RSPH14: variants seen among roughly 807,000 people sequenced by gnomAD.
The protein encoded by RSPH14 is radial spoke head 14 homolog, also known as rhabdoid tumor deletion region gene 1.
A neutral mutation model predicts 26.7 loss-of-function variants in RSPH14; 20 were observed. The observed-to-expected ratio is 0.75, with a 90% CI of 0.53 to 1.09. RSPH14 has a LOEUF of 1.09. RSPH14 is among the 50% of genes least tolerant of loss of function. RSPH14 has a pLI of 0.00. For missense variants in RSPH14, 449 were observed against 457.2 expected (o/e 0.98, Z 0.16); for synonymous variants, 177 against 189.3 (o/e 0.93, Z 0.53).
intron 4 of RSPH14, among the ~76,000 whole-genome samples, chr22:23,110,573 A>T (rs998893210): frequency 6.6e-6 from 1 of 152,174 alleles, no homozygotes; most frequent in African/African-American, 2.4e-5. Context: ...CTCTCCCACC[A>T]CCTGAGCAGA....
intron 4 of RSPH14, among the ~76,000 whole-genome samples, chr22:23,080,621 T>G (rs1237086296): frequency 6.6e-6 from 1 of 151,728 alleles, no homozygotes; most frequent in African/African-American, 2.4e-5. Flanking sequence ...GTGGGGAGAG[T>G]GTAGAGAAGC....
upstream of RSPH14, among the ~76,000 whole-genome samples, chr22:23,149,262 T>C (rs1009561952): frequency 3.3e-5 from 5 of 152,150 alleles, no homozygotes; most frequent in Admixed American, 6.5e-5. Flanking sequence ...ATGGTGTCCT[T>C]CTCCCCACAT....
At chr22:23,062,258 C>A (rs1379979339) in intron 5 of RSPH14, among the ~76,000 whole-genome samples, 1 of 152,222 alleles carries the variant, frequency 6.6e-6, no homozygotes, top group Non-Finnish European at 1.5e-5. Context: ...CCAGGGGTGT[C>A]AACCACAGGG....
At chr22:23,087,380 C>G (rs1038636611) in intron 4 of RSPH14, among the ~76,000 whole-genome samples, 6 of 152,146 alleles carry the variant, frequency 3.9e-5, no homozygotes, top group African/African-American at 1.4e-4. Flanking sequence ...GGGAGGATCG[C>G]TTGAGCCCGG....
chr22:23,158,519 C>T, the RSPH14 span, among the ~76,000 whole-genome samples: 1 of 152,244 alleles, frequency 6.6e-6, no homozygotes, highest in African/African-American at 2.4e-5. Flanking sequence ...GCTACTAGAG[C>T]AAAGCCCTCT....
chr22:23,114,100 C>T (rs1046201927), intron 4 of RSPH14, among the ~76,000 whole-genome samples: 6 of 152,172 alleles, frequency 3.9e-5, no homozygotes, highest in Non-Finnish European at 8.8e-5. Context: ...GCCCCTCAGT[C>T]AGGGTGCTGC....
the RSPH14 span, chr22:23,160,823 C>T: frequency 1.7e-5 from 27 of 1,581,358 alleles, no homozygotes; most frequent in Non-Finnish European, 2.3e-5. Flanking sequence ...CACCCAGATG[C>T]ATTAAGGGGC....
intron 4 of RSPH14, among the ~76,000 whole-genome samples, chr22:23,077,697 G>T (rs2068544459): frequency 6.6e-6 from 1 of 152,056 alleles, no homozygotes; most frequent in Non-Finnish European, 1.5e-5. Context: ...GTCTGACCTT[G>T]GCTATGGAGC....
intron 4 of RSPH14, among the ~76,000 whole-genome samples, chr22:23,129,612 C>T (rs1441631113): frequency 6.6e-6 from 1 of 151,774 alleles, no homozygotes; most frequent in Non-Finnish European, 1.5e-5. Flanking sequence ...ATGAAATTGA[C>T]TTCATTATTC....
the RSPH14 span, chr22:23,150,292 T>TA: frequency 1.0e-5 from 7 of 676,298 alleles, no homozygotes; most frequent in South Asian, 3.6e-5. Flanking sequence ...ACTGGGGTTT[T>TA]CTTTTTTTTT....
the RSPH14 span, among the ~76,000 whole-genome samples, chr22:23,159,748 C>T: frequency 1.3e-5 from 2 of 152,210 alleles, no homozygotes; most frequent in Non-Finnish European, 2.9e-5. Flanking sequence ...GTGACAGGGG[C>T]TCCCATCCCT....
intron 4 of RSPH14, 115 bp downstream of exon 4, chr22:23,133,911 T>A (rs915076126): frequency 2.1e-5 from 15 of 714,070 alleles, no homozygotes; most frequent in African/African-American, 3.6e-5. Flanking sequence ...CTAATATGTA[T>A]GTTGTAATTT....
intron 4 of RSPH14, among the ~76,000 whole-genome samples, chr22:23,064,557 C>G (rs1809691168): frequency 1.3e-5 from 2 of 152,244 alleles, no homozygotes. Flanking sequence ...GCCCCCGCTT[C>G]CCATCCACCA....
At chr22:23,158,154 C>T in the RSPH14 span, 1 of 1,536,540 alleles carries the variant, frequency 6.5e-7, no homozygotes, top group African/African-American at 1.4e-5. Context: ...TGTGAGTGAC[C>T]AGGGCCCCTT....
chr22:23,151,753 G>C, the RSPH14 span, among the ~76,000 whole-genome samples: 1 of 152,230 alleles, frequency 6.6e-6, no homozygotes. Flanking sequence ...AAACGCCTCT[G>C]CACAGAGTGT....
chr22:23,130,249 A>C (rs1744232853), intron 4 of RSPH14, among the ~76,000 whole-genome samples: 1 of 151,392 alleles, frequency 6.6e-6, no homozygotes, highest in African/African-American at 2.4e-5. Flanking sequence ...AGGTCAGGAG[A>C]TCGAGACCAT....
chr22:23,141,606 C>A (rs1569198640), intron 1 of RSPH14, among the ~76,000 whole-genome samples: 3 of 152,166 alleles, frequency 2.0e-5, no homozygotes, highest in Admixed American at 6.5e-5. Flanking sequence ...GTTATTATTA[C>A]GGTTATTATC....
At chr22:23,104,969 C>T (rs544814410) in intron 4 of RSPH14, among the ~76,000 whole-genome samples, 14 of 152,354 alleles carry the variant, frequency 9.2e-5, no homozygotes, top group Middle Eastern at 3.4e-3. Context: ...ATGTGGCTCC[C>T]GTCTGGATAG....
the RSPH14 span, among the ~76,000 whole-genome samples, chr22:23,151,066 G>A: frequency 1.3e-5 from 2 of 152,258 alleles, no homozygotes; most frequent in African/African-American, 4.8e-5. Context: ...GGAGCTCATA[G>A]TCTGCTCAGG....
Sources: gnomAD v4.1 joint callset for allele counts (sites outside exome capture counted in the v4.1 genomes callset) on GRCh38, gnomAD v4.1.1 for gene constraint, MANE v1.5 for transcripts, NCBI Gene and HGNC (gene_info 2026-07-23, HGNC 2026-07-21) for gene names.